GPCPD1: variants seen among roughly 807,000 people sequenced by gnomAD.
GPCPD1 encodes the protein glycerophosphocholine phosphodiesterase GPCPD1.
GPCPD1 carries 29 observed loss-of-function variants against 89.2 expected under a neutral mutation model. That is an observed-to-expected ratio of 0.33 (90% CI 0.24 to 0.44). GPCPD1 has a LOEUF of 0.44. GPCPD1 is among the 20% of genes least tolerant of loss of function. The probability of loss-of-function intolerance (pLI) is 1.00; values close to 1 mark genes in which losing one functional copy is unlikely to be tolerated. For synonymous variants in GPCPD1, 258 were observed against 266.3 expected (o/e 0.97, Z 0.30); for missense variants, 594 against 808.9 (o/e 0.73, Z 3.22).
chr20:5,556,721 G>GA (rs774614464), intron 19 of GPCPD1, among the ~76,000 whole-genome samples: 3 of 151,252 alleles, frequency 2.0e-5, no homozygotes, highest in East Asian at 1.9e-4. Context: ...GAAGCTGATG[G>GA]AAAAAAAAAT....
intron 19 of GPCPD1, among the ~76,000 whole-genome samples, chr20:5,555,108 GTTTT>G (rs1568642186): frequency 6.6e-6 from 1 of 152,174 alleles, no homozygotes; most frequent in South Asian, 2.1e-4. Flanking sequence ...AAAGAAAATG[GTTTT>G]TTGAGACAAA....
chr20:5,588,910 AC>A (rs1329111626), intron 4 of GPCPD1, among the ~76,000 whole-genome samples: 1 of 152,228 alleles, frequency 6.6e-6, no homozygotes, highest in Non-Finnish European at 1.5e-5. Flanking sequence ...GGCATAGCAG[AC>A]TGTTTGTTTT....
chr20:5,568,817 G>A (rs1429065245), intron 12 of GPCPD1, among the ~76,000 whole-genome samples: 1 of 152,126 alleles, frequency 6.6e-6, no homozygotes, highest in Non-Finnish European at 1.5e-5. Flanking sequence ...GGAGGCTGAG[G>A]CAGGAGAATC....
intron 3 of GPCPD1, 53 bp from the exon 4 acceptor site, chr20:5,593,464 T>C (rs1979479337): frequency 6.8e-6 from 6 of 885,978 alleles, no homozygotes; most frequent in Non-Finnish European, 1.1e-5. Context: ...CTACAGTGCA[T>C]AAAGACTTCT....
intron 19 of GPCPD1, among the ~76,000 whole-genome samples, chr20:5,552,703 T>A (rs1048996053): frequency 8.5e-5 from 13 of 152,264 alleles, no homozygotes; most frequent in Non-Finnish European, 1.6e-4. Flanking sequence ...GCGTCACTCA[T>A]GCTATTTCAT....
At chr20:5,581,956 G>A (rs534677111) in intron 6 of GPCPD1, among the ~76,000 whole-genome samples, 10 of 146,976 alleles carry the variant, frequency 6.8e-5, no homozygotes, top group East Asian at 2.0e-4. Flanking sequence ...AGGCCGAGGC[G>A]GGCGGATCAC....
intron 19 of GPCPD1, among the ~76,000 whole-genome samples, chr20:5,553,055 C>T (rs1391029368): frequency 1.3e-5 from 2 of 152,064 alleles, no homozygotes; most frequent in African/African-American, 2.4e-5. Context: ...AGGCATGAAC[C>T]ACCATGCCCC....
chr20:5,605,290 T>C (rs1305969677), intron 1 of GPCPD1, among the ~76,000 whole-genome samples: 1 of 152,218 alleles, frequency 6.6e-6, no homozygotes, highest in African/African-American at 2.4e-5. Context: ...TCAAGGTATC[T>C]TTCCTGACCA....
At chr20:5,608,818 A>G (rs965176462) in intron 1 of GPCPD1, among the ~76,000 whole-genome samples, 2 of 152,194 alleles carry the variant, frequency 1.3e-5, no homozygotes, top group African/African-American at 4.8e-5. Flanking sequence ...CGTAACATCT[A>G]TTCTGTACTT....
At chr20:5,562,120 G>A (rs1369495670) in intron 15 of GPCPD1, among the ~76,000 whole-genome samples, 1 of 152,068 alleles carries the variant, frequency 6.6e-6, no homozygotes, top group Admixed American at 6.6e-5. Context: ...TAGACACTTT[G>A]CCATCAGATT....
In GPCPD1 at chr20:5,547,506, T is replaced by C; in HGVS notation, c.*155A>G. Reference sequence around the variant, plus strand: ...ACCTGGCCAAGTAATTTAAATAGCATACTTGCAAGAACTGTAGTGAAAGAG... The same window carrying C: ...ACCTGGCCAAGTAATTTAAATAGCACACTTGCAAGAACTGTAGTGAAAGAG... On this transcript the variant is annotated 3_prime_UTR_variant, in exon 20 of 20. Coordinates refer to ENST00000379019, the MANE Select transcript of GPCPD1 (RefSeq NM_019593.5). The C allele has an allele frequency of 4.7e-6, 2 of 427,388 alleles. No homozygotes were observed. The allele number at this position is 427,388 out of a possible 1,614,324, so 26.5% of individuals were successfully genotyped here. A position where few individuals can be genotyped will look rare whatever the true frequency, so the allele number is the denominator to read the frequency against.
intron 11 of GPCPD1, among the ~76,000 whole-genome samples, 187 bp from the exon 12 acceptor site, chr20:5,570,426 CAAAA>C (rs36030193): frequency 1.2e-5 from 1 of 86,046 alleles, no homozygotes; most frequent in Non-Finnish European, 2.2e-5. Context: ...TTTTTCCTGG[CAAAA>C]AAAAAAAAAA....
chr20:5,587,055 T>C (rs1259175645), intron 4 of GPCPD1, among the ~76,000 whole-genome samples: 1 of 152,208 alleles, frequency 6.6e-6, no homozygotes, highest in Non-Finnish European at 1.5e-5. Flanking sequence ...TGATAACATA[T>C]GCGGTAGTGA....
chr20:5,576,818 C>T (rs981396173), intron 8 of GPCPD1, among the ~76,000 whole-genome samples: 5 of 152,004 alleles, frequency 3.3e-5, no homozygotes, highest in Non-Finnish European at 7.4e-5. Flanking sequence ...ATGAACAAAA[C>T]ACTATTACAA....
intron 11 of GPCPD1, 138 bp downstream of exon 11, chr20:5,573,776 GT>G (rs1351514041): frequency 1.4e-6 from 1 of 734,844 alleles, no homozygotes; most frequent in Non-Finnish European, 2.4e-6. Context: ...TGGTTCTATT[GT>G]CTTCATTCCG....
chr20:5,572,176 G>A (rs1394787447), intron 11 of GPCPD1, among the ~76,000 whole-genome samples: 1 of 152,088 alleles, frequency 6.6e-6, no homozygotes, highest in Non-Finnish European at 1.5e-5. Context: ...CTATGATCCT[G>A]CCACTGCACT....
At chr20:5,595,152 A>G (rs1167012230) in intron 3 of GPCPD1, among the ~76,000 whole-genome samples, 5 of 152,222 alleles carry the variant, frequency 3.3e-5, no homozygotes, top group Non-Finnish European at 7.3e-5. Flanking sequence ...AAATGATTGT[A>G]TCATTTTTTA....
At chr20:5,598,281 CTA>C (rs1471890959) in intron 3 of GPCPD1, among the ~76,000 whole-genome samples, 8 of 152,170 alleles carry the variant, frequency 5.3e-5, no homozygotes, top group African/African-American at 1.9e-4. Context: ...TCATGGGTGC[CTA>C]TAGTCACAGC....
chr20:5,567,355 C>A, intron 13 of GPCPD1, 128 bp downstream of exon 13: 1 of 1,155,342 alleles, frequency 8.7e-7, no homozygotes, highest in Non-Finnish European at 1.2e-6. Flanking sequence ...AACAGAATAC[C>A]AAAGCACATA....
Sources: allele counts gnomAD v4.1 joint callset (sites outside exome capture counted in the v4.1 genomes callset), GRCh38; gene constraint gnomAD v4.1.1; transcripts MANE v1.5; gene names NCBI Gene and HGNC (gene_info 2026-07-23, HGNC 2026-07-21).